The following RNF144B variants were observed in gnomAD, a reference collection of about 807,000 sequenced individuals.
RNF144B encodes E3 ubiquitin-protein ligase RNF144B.
RNF144B carries 25 observed loss-of-function variants against 40.2 expected under a neutral mutation model. The observed-to-expected ratio is 0.62, with a 90% CI of 0.45 to 0.87. The LOEUF (loss-of-function observed/expected upper bound fraction) is 0.87. Ranked by LOEUF, RNF144B falls within the 40% of genes least tolerant of loss-of-function variation. The pLI is 0.00. For synonymous variants in RNF144B, 145 were observed against 136.3 expected, an observed-to-expected ratio of 1.06 and a Z score of -0.44; for missense variants, 365 against 373.7, an observed-to-expected ratio of 0.98 and a Z score of 0.19.
rs484032 is a variant in RNF144B at position 18,447,379 on chromosome 6, T to C, written c.331+7635T>C. Among the ~76,000 whole-genome samples, 146,882 of 152,150 alleles carry C rather than the reference T, an allele frequency of 0.97. 71,123 individuals are homozygous for C. The highest frequency in any genetic ancestry group is 1 in the East Asian group (5,152 of 5,152). ...GAGCTAAGTGAGCAGAGGGGAGAGT[T>C]ATAGGAGGTAATTTGAAAGTGTTAG... is the stretch of plus-strand genomic sequence containing the variant. On this transcript the variant is annotated intron_variant, in intron 4 of 7. Coordinates refer to ENST00000259939, the MANE Select transcript of RNF144B (RefSeq NM_182757.4). This position sits in a 1 kb window ranked among gnomAD's most constrained non-coding sequence, Gnocchi z 5.6.
In RNF144B at chr6:18,434,662, C is replaced by T. The variant is rs1758777054; in HGVS notation, c.271-5022C>T. Among the ~76,000 whole-genome samples the T allele has an allele frequency of 6.6e-6, 1 of 152,118 alleles. No individual in the cohort carries two copies. On this transcript the variant is annotated intron_variant, in intron 3 of 7. Transcript: ENST00000259939. This position sits in a 1 kb window ranked among gnomAD's most constrained non-coding sequence, Gnocchi z 4.1. ...TTTTAGACAGAGTCTTGCTCTGTCGCCCAGGCTGGAATGCAGTGGTGCGAT... is the reference window on the plus strand; with the variant it reads ...TTTTAGACAGAGTCTTGCTCTGTCGTCCAGGCTGGAATGCAGTGGTGCGAT...
In RNF144B at chr6:18,427,675, A is replaced by G. The variant is rs1758590905; in HGVS notation, c.260A>G (p.Gln87Arg). ...DMVCLNHGTL[Q>R]EAEIACLVPV... ...GTGTGCCTAAACCACGGGACCCTGC[A>G]GGAAGCTGAGGTATGAATGACTACC... The change falls in exon 3 of 8, where the codon CAG becomes CGG. Residue 87 changes from glutamine to arginine, a missense_variant. Physicochemically the swap from Gln to Arg is conservative, Grantham distance 43. Transcript: ENST00000259939. 2 of 1,603,996 alleles carry G rather than the reference A, an allele frequency of 1.2e-6. No individual in the cohort carries two copies. The highest frequency in any genetic ancestry group is 1.7e-6 in the Non-Finnish European group (2 of 1,170,992).
chr6:18,432,054 T>C (rs1017632091), intron 3 of RNF144B, among the ~76,000 whole-genome samples: 4 of 152,224 alleles, frequency 2.6e-5, no homozygotes, highest in African/African-American at 9.7e-5. Flanking sequence ...GTGCAGACTT[T>C]CCTTGTCATT....
intron 1 of RNF144B, among the ~76,000 whole-genome samples, chr6:18,397,280 A>C (rs1363065553): frequency 6.6e-6 from 1 of 152,182 alleles, no homozygotes; most frequent in Admixed American, 6.5e-5. Context: ...ATTGAGACTT[A>C]AGCTATTGTT....
In RNF144B at chr6:18,459,046, G is replaced by T. The variant is rs981102145; in HGVS notation, c.537-561G>T. Among the ~76,000 whole-genome samples, 3 of 152,178 alleles carry T rather than the reference G, an allele frequency of 2.0e-5. No homozygotes were observed. The highest frequency in any genetic ancestry group is 2.0e-4 in the Admixed American group (3 of 15,284). On this transcript the variant is annotated intron_variant, in intron 5 of 7. Transcript: ENST00000259939. The surrounding 1 kb of genome is among the most constrained non-coding windows in gnomAD (Gnocchi z 4.2). The stretch of plus-strand genomic sequence containing the variant: ...GGATATCTCTGTGTGCTGGGTGGTG[G>T]TTTTGATGGGCAGTAGCTAAAGTGT...
Position 18,464,214 on chromosome 6 carries a change from G to A in RNF144B, c.772-713G>A, listed in dbSNP as rs761814222. The stretch of plus-strand genomic sequence containing the variant: ...ATAGTGTTTTATATTTATTAAAGGC[G>A]GTATTCCTTTGGAGGGAGTCAGTGC... On this transcript the variant is annotated intron_variant, in intron 7 of 7. Transcript: ENST00000259939. This position sits in a 1 kb window ranked among gnomAD's most constrained non-coding sequence, Gnocchi z 6.1. 2.1e-4 allele frequency among the ~76,000 whole-genome samples: 32 copies of A among 152,058 alleles called. No individual in the cohort carries two copies. Among genetic ancestry groups the A allele is most frequent in the Non-Finnish European group, 3.7e-4 (25 of 68,008 alleles).
At chr6:18,430,819 C>T (rs1758676986) in intron 3 of RNF144B, among the ~76,000 whole-genome samples, 2 of 152,062 alleles carry the variant, frequency 1.3e-5, no homozygotes, top group Non-Finnish European at 2.9e-5. Flanking sequence ...TTTCCCCCCT[C>T]CTTTGTTCTC....
intron 1 of RNF144B, among the ~76,000 whole-genome samples, chr6:18,389,930 T>C (rs1794548243): frequency 6.6e-6 from 1 of 152,196 alleles, no homozygotes. Flanking sequence ...TGGAAGTGAA[T>C]ACAGATGAGA....
chr6:18,404,634 T>C (rs1377480895), intron 2 of RNF144B, among the ~76,000 whole-genome samples: 1 of 152,142 alleles, frequency 6.6e-6, no homozygotes, highest in Non-Finnish European at 1.5e-5. Flanking sequence ...GAGAGAAATG[T>C]CTCTTTTGGA....
At chr6:18,415,897 C>T (rs772363000) in intron 2 of RNF144B, among the ~76,000 whole-genome samples, 5 of 151,106 alleles carry the variant, frequency 3.3e-5, no homozygotes, top group African/African-American at 7.3e-5. Flanking sequence ...GATTCAGAAG[C>T]GCTAACAGTT....
At chr6:18,449,710 TATAC>T (rs1255111231) in intron 4 of RNF144B, among the ~76,000 whole-genome samples, 2 of 151,818 alleles carry the variant, frequency 1.3e-5, no homozygotes, top group African/African-American at 4.8e-5. Flanking sequence ...TATATATATA[TATAC>T]ATTGTGGATA....
chr6:18,439,718 T>A lies in RNF144B; in HGVS notation c.305T>A (p.Leu102His). Residue 102 changes from leucine to histidine, a missense_variant, in exon 4 of 8, where the codon CTT becomes CAT. Coordinates refer to ENST00000259939, the MANE Select transcript of RNF144B (RefSeq NM_182757.4). ...TTGGTACCTGTGGACCAGTTTCAAC[T>A]TTATCAGAGGTTAAAATTTGAAAGA... ...ACLVPVDQFQ[L>H]YQRLKFEREV... 1 of 1,612,624 alleles carries A rather than the reference T, an allele frequency of 6.2e-7. No homozygotes were observed. Among genetic ancestry groups the A allele is most frequent in the Non-Finnish European group, 8.5e-7 (1 of 1,178,668 alleles).
intron 6 of RNF144B, among the ~76,000 whole-genome samples, chr6:18,462,864 G>C (rs1319502517): frequency 6.6e-6 from 1 of 151,828 alleles, no homozygotes; most frequent in East Asian, 1.9e-4. Context: ...GCTTCTCCTT[G>C]TTTCTCTCCA....
chr6:18,443,933 G>C lies in RNF144B; in HGVS notation c.331+4189G>C, dbSNP rs1215671253. ...GAAAGAAAATCTCATTGGCTGGACT[G>C]TGAGACAGAATTGTAGAGATTGCTG... On this transcript the variant is annotated intron_variant, in intron 4 of 7. Coordinates refer to ENST00000259939, the MANE Select transcript of RNF144B (RefSeq NM_182757.4). The surrounding 1 kb of genome is among the most constrained non-coding windows in gnomAD (Gnocchi z 4.7). 6.6e-6 allele frequency among the ~76,000 whole-genome samples: 1 copy of C among 152,208 alleles called. No homozygotes were observed. The highest frequency in any genetic ancestry group is 6.5e-5 in the Admixed American group (1 of 15,290).
chr6:18,454,850 A>G (rs563226305), intron 4 of RNF144B, among the ~76,000 whole-genome samples: 9 of 152,370 alleles, frequency 5.9e-5, no homozygotes, highest in Non-Finnish European at 1.3e-4. Context: ...GATTAGAGCT[A>G]TGAGAACAAA....
chr6:18,460,753 T>C lies in RNF144B; in HGVS notation c.681+1002T>C, dbSNP rs553155. On this transcript the variant is annotated intron_variant, in intron 6 of 7. Coordinates refer to ENST00000259939, the MANE Select transcript of RNF144B (RefSeq NM_182757.4). The surrounding 1 kb of genome is among the most constrained non-coding windows in gnomAD (Gnocchi z 4.4). ...TCATGAATCAAGTCTCAAATTGAGG[T>C]GCAGTTTTATTCAGCCCTGTGCCAA... Among the ~76,000 whole-genome samples the C allele has an allele frequency of 0.96, 146,884 of 152,248 alleles. 71,090 individuals are homozygous for C. The highest frequency in any genetic ancestry group is 1 in the East Asian group (5,170 of 5,170).
At chr6:18,426,889 C>T (rs1582422087) in intron 2 of RNF144B, among the ~76,000 whole-genome samples, 1 of 151,086 alleles carries the variant, frequency 6.6e-6, no homozygotes, top group East Asian at 1.9e-4. Context: ...TATTTAATTT[C>T]TTCTTTCCCC....
chr6:18,408,772 T>G (rs2328264), intron 2 of RNF144B, among the ~76,000 whole-genome samples: 67,371 of 151,974 alleles, frequency 0.44, 15,284 homozygotes, highest in East Asian at 0.57. Context: ...ACTTCTATTC[T>G]CCTTACTTCC....
chr6:18,399,821 A>G (rs1794765111), intron 2 of RNF144B, 122 bp downstream of exon 2: 2 of 749,374 alleles, frequency 2.7e-6, no homozygotes, highest in East Asian at 2.7e-5. Context: ...TGCTTTGGAA[A>G]GCATTTCATA....
Sources: allele counts gnomAD v4.1 joint callset (sites outside exome capture counted in the v4.1 genomes callset), GRCh38; gene constraint gnomAD v4.1.1; non-coding constraint Gnocchi (gnomAD v3.1); transcripts MANE v1.5; gene names NCBI Gene and HGNC (gene_info 2026-07-23, HGNC 2026-07-21).